The following SH3BGRL2 variants were observed in gnomAD, a reference collection of about 807,000 sequenced individuals.
The protein encoded by SH3BGRL2 is SH3 domain binding glutamate rich protein like 2.
Under a neutral mutation model 14.8 loss-of-function variants are expected in SH3BGRL2, and 21 were observed. That is an observed-to-expected ratio of 1.42 (90% confidence interval 1.01 to 2.05). The LOEUF (loss-of-function observed/expected upper bound fraction) is 2.05. Ranked by LOEUF, SH3BGRL2 falls within the 30% of genes most tolerant of loss-of-function variation. The probability of loss-of-function intolerance (pLI) is 0.00; values close to 1 mark genes in which losing one functional copy is unlikely to be tolerated. For synonymous variants in SH3BGRL2, 50 were observed against 47.8 expected (o/e 1.05, Z -0.19); for missense variants, 147 against 130.8 (o/e 1.12, Z -0.61).
chr6:79,678,603 C>A (rs565576544), intron 2 of SH3BGRL2, among the ~76,000 whole-genome samples: 187 of 152,238 alleles, frequency 1.2e-3, no homozygotes, highest in African/African-American at 4.3e-3. Flanking sequence ...CATGGGTGTG[C>A]AAATATCTCT....
intron 2 of SH3BGRL2, among the ~76,000 whole-genome samples, chr6:79,674,743 G>T (rs1769847511): frequency 6.6e-6 from 1 of 152,032 alleles, no homozygotes; most frequent in Admixed American, 6.6e-5. Context: ...ATTATACAGA[G>T]AATTCTTACC....
In SH3BGRL2 at chr6:79,633,537, C is replaced by T. The variant is rs76612921; in HGVS notation, c.45+2031C>T. The stretch of plus-strand genomic sequence containing the variant: ...CTCAGATCCCCTCAATGCCCTGCCT[C>T]GTAGCATGTGTTCTGACATGGTTTC... On this transcript the variant is annotated intron_variant, in intron 1 of 3. Coordinates refer to ENST00000369838, the MANE Select transcript of SH3BGRL2 (RefSeq NM_031469.4). Among the ~76,000 whole-genome samples the T allele has an allele frequency of 1.8e-3, 281 of 152,238 alleles. 1 individual carries two copies. The highest frequency in any genetic ancestry group is 6.4e-3 in the African/African-American group (266 of 41,536).
the SH3BGRL2 span, among the ~76,000 whole-genome samples, chr6:79,616,018 G>A: frequency 6.6e-6 from 1 of 152,086 alleles, no homozygotes; most frequent in Non-Finnish European, 1.5e-5. Flanking sequence ...GTTTCTCCAT[G>A]TTGGTCAGGC....
At chr6:79,619,340 A>T in the SH3BGRL2 span, among the ~76,000 whole-genome samples, 38 of 151,748 alleles carry the variant, frequency 2.5e-4, no homozygotes, top group Middle Eastern at 3.4e-3. Flanking sequence ...TTTTTTCCTC[A>T]CTAACAATAT....
chr6:79,668,857 T>C (rs948736619), intron 1 of SH3BGRL2, among the ~76,000 whole-genome samples: 2 of 152,186 alleles, frequency 1.3e-5, no homozygotes, highest in Non-Finnish European at 2.9e-5. Flanking sequence ...AAAGTCTTTT[T>C]TCGCATCAGG....
chr6:79,538,300 C>T, the SH3BGRL2 span, among the ~76,000 whole-genome samples: 446 of 152,132 alleles, frequency 2.9e-3, no homozygotes, highest in Non-Finnish European at 4.9e-3. Flanking sequence ...TATTTGAAGG[C>T]AAATGCGTTT....
intron 1 of SH3BGRL2, among the ~76,000 whole-genome samples, chr6:79,649,460 T>C (rs1028550675): frequency 2.6e-5 from 4 of 152,192 alleles, no homozygotes; most frequent in Non-Finnish European, 5.9e-5. Flanking sequence ...GCTTCAAGTA[T>C]ACAGAAAACC....
intron 1 of SH3BGRL2, among the ~76,000 whole-genome samples, chr6:79,646,634 C>T (rs1395269997): frequency 6.6e-6 from 1 of 152,134 alleles, no homozygotes; most frequent in Non-Finnish European, 1.5e-5. Flanking sequence ...CTATGTTGTA[C>T]AATAATCTAA....
At chr6:79,539,184 T>C in the SH3BGRL2 span, among the ~76,000 whole-genome samples, 1 of 152,132 alleles carries the variant, frequency 6.6e-6, no homozygotes, top group African/African-American at 2.4e-5. Context: ...AATGTATAAA[T>C]TTACAGAAGT....
chr6:79,582,544 C>G, the SH3BGRL2 span, among the ~76,000 whole-genome samples: 34,746 of 152,072 alleles, frequency 0.23, 4,180 homozygotes, highest in Middle Eastern at 0.46. Context: ...AAAAGGATTC[C>G]CTATTTAATA....
chr6:79,618,684 C>T, the SH3BGRL2 span, among the ~76,000 whole-genome samples: 3 of 151,600 alleles, frequency 2.0e-5, no homozygotes, highest in African/African-American at 7.3e-5. Flanking sequence ...CCAGCCTGGC[C>T]AAGGCGGGTG....
chr6:79,539,619 A>G, the SH3BGRL2 span, among the ~76,000 whole-genome samples: 2 of 152,264 alleles, frequency 1.3e-5, no homozygotes, highest in African/African-American at 2.4e-5. Context: ...CTTTATTGCC[A>G]TATGGCAATG....
At chr6:79,583,395 G>A in the SH3BGRL2 span, among the ~76,000 whole-genome samples, 2 of 152,158 alleles carry the variant, frequency 1.3e-5, no homozygotes, top group African/African-American at 4.8e-5. Flanking sequence ...ATGCCCATCA[G>A]TGATAGACTG....
chr6:79,551,385 C>T, the SH3BGRL2 span, among the ~76,000 whole-genome samples: 1 of 152,158 alleles, frequency 6.6e-6, no homozygotes, highest in East Asian at 1.9e-4. Context: ...CAAGACTTCA[C>T]TTCTTAAAGT....
the SH3BGRL2 span, among the ~76,000 whole-genome samples, chr6:79,616,615 C>T: frequency 6.6e-6 from 1 of 152,132 alleles, no homozygotes; most frequent in Non-Finnish European, 1.5e-5. Context: ...GGCTCCGCAT[C>T]CAGATTTTTC....
intron 2 of SH3BGRL2, among the ~76,000 whole-genome samples, chr6:79,694,001 G>T (rs1436858535): frequency 6.6e-6 from 1 of 152,178 alleles, no homozygotes; most frequent in Non-Finnish European, 1.5e-5. Flanking sequence ...GTAAATAGTG[G>T]TGCCATTTTC....
At chr6:79,555,024 A>G in the SH3BGRL2 span, among the ~76,000 whole-genome samples, 1 of 152,198 alleles carries the variant, frequency 6.6e-6, no homozygotes, top group African/African-American at 2.4e-5. Context: ...TTTGTGACCT[A>G]CATAAAGAAA....
chr6:79,539,371 T>C, the SH3BGRL2 span, among the ~76,000 whole-genome samples: 1 of 152,192 alleles, frequency 6.6e-6, no homozygotes, highest in Non-Finnish European at 1.5e-5. Flanking sequence ...TTTTCAGAAA[T>C]AAAGGAAACA....
the SH3BGRL2 span, among the ~76,000 whole-genome samples, chr6:79,604,091 C>G: frequency 6.6e-6 from 1 of 152,202 alleles, no homozygotes; most frequent in Admixed American, 6.5e-5. Flanking sequence ...AGGCGTGAGC[C>G]ACCACGCCTG....
Sources: gnomAD v4.1 joint callset for allele counts (sites outside exome capture counted in the v4.1 genomes callset) on GRCh38, gnomAD v4.1.1 for gene constraint, MANE v1.5 for transcripts, NCBI Gene and HGNC (gene_info 2026-07-23, HGNC 2026-07-21) for gene names.